Variants in MMS22L observed in about 807,000 individuals in gnomAD.
MMS22L encodes the protein protein MMS22-like.
Under a neutral mutation model 159.1 loss-of-function variants are expected in MMS22L, and 74 were observed. The observed-to-expected ratio is 0.47, with a 90% CI of 0.39 to 0.56. The LOEUF (loss-of-function observed/expected upper bound fraction) is 0.56, where lower values mean the gene tolerates loss of function less well. Among genes scored for constraint, MMS22L ranks in the 20% least tolerant of loss-of-function variants. The pLI, the probability that MMS22L is intolerant of heterozygous loss-of-function variation, is 0.00. For missense variants in MMS22L, 1,351 were observed against 1,422.1 expected (o/e 0.95, Z 0.80); for synonymous variants, 517 against 506.9 (o/e 1.02, Z -0.27).
intron 11 of MMS22L, among the ~76,000 whole-genome samples, chr6:97,241,679 C>T (rs1251949245): frequency 1.3e-5 from 2 of 152,074 alleles, no homozygotes; most frequent in Admixed American, 6.5e-5. Flanking sequence ...TCTCTAGTTC[C>T]TTGAAGTGTG....
intron 22 of MMS22L, among the ~76,000 whole-genome samples, chr6:97,160,511 T>C (rs1802330519): frequency 6.6e-6 from 1 of 152,032 alleles, no homozygotes; most frequent in South Asian, 2.1e-4. Flanking sequence ...GATGAGTCAT[T>C]TTTCTCTGGC....
intron 14 of MMS22L, among the ~76,000 whole-genome samples, chr6:97,225,603 C>T (rs1220604029): frequency 6.7e-6 from 1 of 149,212 alleles, no homozygotes; most frequent in Non-Finnish European, 1.5e-5. Flanking sequence ...GACCCAGTCT[C>T]GCTCTGTCAC....
intron 20 of MMS22L, 108 bp from the exon 21 acceptor site, chr6:97,165,565 T>C (rs1285681294): frequency 9.6e-6 from 9 of 933,072 alleles, no homozygotes; most frequent in East Asian, 2.6e-5. Context: ...TGTGAGAATA[T>C]AAAAATCAAA....
chr6:97,174,260 T>TA lies in MMS22L; in HGVS notation c.2680-1039dup, dbSNP rs966525669. 3.0e-3 allele frequency among the ~76,000 whole-genome samples: 381 copies of TA among 128,576 alleles called. 2 individuals are homozygous for TA. Among genetic ancestry groups the TA allele is most frequent in the East Asian group, 8.2e-3 (35 of 4,246 alleles). 84.4% of individuals were successfully genotyped at this position (128,576 alleles called of 152,430 possible). On this transcript the variant is annotated intron_variant, in intron 18 of 24. Transcript: ENST00000683635. ...GAGCAAGACTGTCTCAAAAAAAAAA[T>TA]AAAAAAAAAAAAAAAATAAAAAGAA... is the stretch of plus-strand genomic sequence containing the variant.
chr6:97,237,445 C>G (rs1237814914), intron 11 of MMS22L, among the ~76,000 whole-genome samples: 1 of 152,144 alleles, frequency 6.6e-6, no homozygotes, highest in Non-Finnish European at 1.5e-5. Context: ...CAGAAAACTT[C>G]CTAACTCCCT....
intron 10 of MMS22L, among the ~76,000 whole-genome samples, chr6:97,246,937 A>G: frequency 6.6e-6 from 1 of 152,068 alleles, no homozygotes; most frequent in African/African-American, 2.4e-5. Flanking sequence ...TAAGATTATA[A>G]ATATTCTACC....
intron 14 of MMS22L, among the ~76,000 whole-genome samples, chr6:97,223,189 T>C (rs1327748072): frequency 1.3e-5 from 2 of 152,096 alleles, no homozygotes; most frequent in Non-Finnish European, 2.9e-5. Flanking sequence ...TCAGTGATCA[T>C]AGATCCTTCC....
At position 97,152,689 on chromosome 6, in the gene MMS22L, C is replaced by T. The variant is rs546420948; in HGVS notation, c.3386-822G>A. The stretch of plus-strand genomic sequence containing the variant: ...TAGGTAGTAGAGAATGTTTTCCATG[C>T]GATGAGGCTCGTGGCTAAGGAACAC... On this transcript the variant is annotated intron_variant, in intron 22 of 24. Transcript: ENST00000683635. 1.4e-4 allele frequency among the ~76,000 whole-genome samples: 21 copies of T among 152,038 alleles called. No individual in the cohort carries two copies. In the South Asian group the frequency reaches 1.7e-3, roughly 12 times the overall value.
intron 14 of MMS22L, among the ~76,000 whole-genome samples, chr6:97,195,078 A>G (rs1199411713): frequency 2.0e-5 from 3 of 152,224 alleles, no homozygotes; most frequent in African/African-American, 4.8e-5. Context: ...ACTTTGTACA[A>G]TAACATTGTA....
At chr6:97,224,208 C>T (rs1194988801) in intron 14 of MMS22L, among the ~76,000 whole-genome samples, 1 of 152,158 alleles carries the variant, frequency 6.6e-6, no homozygotes, top group Non-Finnish European at 1.5e-5. Context: ...TTACAAGAAA[C>T]TCTTCCTATC....
At chr6:97,170,012 A>G (rs1291168396) in intron 19 of MMS22L, among the ~76,000 whole-genome samples, 1 of 152,180 alleles carries the variant, frequency 6.6e-6, no homozygotes, top group Non-Finnish European at 1.5e-5. Context: ...CAAAGTTCAC[A>G]TAACTTTTAT....
At chr6:97,196,468 G>A (rs144544172) in intron 14 of MMS22L, among the ~76,000 whole-genome samples, 7 of 152,220 alleles carry the variant, frequency 4.6e-5, no homozygotes, top group Non-Finnish European at 1.0e-4. Context: ...GTATTGATAA[G>A]GAACTGTAGT....
chr6:97,264,463 G>A (rs1306770348), intron 8 of MMS22L: 4 of 151,680 alleles, frequency 2.6e-5, no homozygotes, highest in African/African-American at 7.3e-5. Flanking sequence ...AATAATGTAT[G>A]CAATATTTTA....
chr6:97,282,818 T>C (rs1008949206), intron 1 of MMS22L, among the ~76,000 whole-genome samples: 18 of 152,102 alleles, frequency 1.2e-4, no homozygotes, highest in Admixed American at 8.5e-4. Context: ...CTGCAGGACA[T>C]AGCGTCCCGG....
At chr6:97,249,850 G>A (rs1022807201) in intron 10 of MMS22L, among the ~76,000 whole-genome samples, 4 of 151,004 alleles carry the variant, frequency 2.6e-5, no homozygotes, top group Non-Finnish European at 5.9e-5. Context: ...TGACAGGGTT[G>A]ATATAATTTA....
At chr6:97,154,654 A>T (rs1801649715) in intron 22 of MMS22L, among the ~76,000 whole-genome samples, 1 of 152,108 alleles carries the variant, frequency 6.6e-6, no homozygotes, top group African/African-American at 2.4e-5. Context: ...GTCCAACTTC[A>T]TTCTTTCGCA....
rs546895517 is a variant in MMS22L, at chr6:97,171,770, T to G, written c.2839+1293A>C. On this transcript the variant is annotated intron_variant, in intron 19 of 24. Transcript: ENST00000683635. ...GTGTTTCAGTGGTTAACTCCTTCCC[T>G]CAAATGGTTATGCTATCCCAACCCC... Among the ~76,000 whole-genome samples, 3 of 152,290 alleles carry G rather than the reference T, an allele frequency of 2.0e-5. No individual in the cohort carries two copies. The East Asian group carries it at 5.8e-4, about 29-fold the overall frequency.
At chr6:97,220,103 G>A (rs537475202) in intron 14 of MMS22L, among the ~76,000 whole-genome samples, 2 of 152,224 alleles carry the variant, frequency 1.3e-5, no homozygotes, top group East Asian at 1.9e-4. Flanking sequence ...TGCTATACTG[G>A]TCATGTTCTG....
In MMS22L at chr6:97,179,563, T is replaced by C. The variant is rs200866395; in HGVS notation, c.2385-4A>G. 283 of 1,589,594 alleles carry C rather than the reference T, an allele frequency of 1.8e-4. 1 individual carries two copies. In the African/African-American group the frequency reaches 3.6e-3, roughly 20 times the overall value. ...AGAAAGTGCTTCACATAATGTGCTG[T>C]AGAAACAAATTGACAAATATTTTTA... On this transcript the variant is annotated splice_polypyrimidine_tract_variant and splice_region_variant and intron_variant, in intron 16 of 24. Coordinates refer to ENST00000683635, the MANE Select transcript of MMS22L (RefSeq NM_001350599.2).
Sources: gnomAD v4.1 joint callset for allele counts (sites outside exome capture counted in the v4.1 genomes callset) on GRCh38, gnomAD v4.1.1 for gene constraint, MANE v1.5 for transcripts, NCBI Gene and HGNC (gene_info 2026-07-23, HGNC 2026-07-21) for gene names.